Variants in RBPMS observed in about 807,000 individuals in gnomAD.
The protein encoded by RBPMS is RNA binding protein, mRNA processing factor.
Under a neutral mutation model 26.8 loss-of-function variants are expected in RBPMS, and 7 were observed. The ratio of observed to expected loss-of-function variants is 0.26; its 90% CI spans 0.15 to 0.49. RBPMS has a LOEUF of 0.49. Ranked by LOEUF, RBPMS falls within the 20% of genes least tolerant of loss-of-function variation. The pLI is 0.98. For synonymous variants in RBPMS, 96 were observed against 93.3 expected, an observed-to-expected ratio of 1.03 and a Z score of -0.17; for missense variants, 186 against 250.0, an observed-to-expected ratio of 0.74 and a Z score of 1.73.
Position 30,568,921 on chromosome 8 carries a change from T to C in RBPMS, c.*112-1716T>C, listed in dbSNP as rs73574141. ...AAGGATCCCATTTACATGGCAGTTATGGAAGGCCCAGAAAACCAGACTTGC... is the reference window on the plus strand; with the variant it reads ...AAGGATCCCATTTACATGGCAGTTACGGAAGGCCCAGAAAACCAGACTTGC... On this transcript the variant is annotated intron_variant, in intron 8 of 8. Coordinates refer to ENST00000397323, the MANE Select transcript of RBPMS (RefSeq NM_001008710.3). Among the ~76,000 whole-genome samples, 1,195 of 152,328 alleles carry C rather than the reference T, an allele frequency of 7.8e-3. 21 individuals carry two copies. Among genetic ancestry groups the C allele is most frequent in the African/African-American group, 0.027 (1,118 of 41,558 alleles).
At chr8:30,489,450 T>C (rs1305757596) in intron 4 of RBPMS, among the ~76,000 whole-genome samples, 1 of 151,810 alleles carries the variant, frequency 6.6e-6, no homozygotes, top group Non-Finnish European at 1.5e-5. Flanking sequence ...TCCTAAAGTC[T>C]CTTTTTCTTT....
intron 4 of RBPMS, among the ~76,000 whole-genome samples, chr8:30,489,152 T>C (rs1819106463): frequency 6.6e-6 from 1 of 151,192 alleles, no homozygotes; most frequent in South Asian, 2.1e-4. Context: ...CCTTGAGTGC[T>C]CCTCCCACCT....
chr8:30,565,338 C>T (rs772864124), intron 7 of RBPMS: 1 of 152,256 alleles, frequency 6.6e-6, no homozygotes, highest in Non-Finnish European at 1.5e-5. Flanking sequence ...TCGGAGGTGC[C>T]AGCTGAGCCA....
chr8:30,465,556 G>A (rs1246381129), intron 1 of RBPMS, among the ~76,000 whole-genome samples: 1 of 152,230 alleles, frequency 6.6e-6, no homozygotes, highest in Non-Finnish European at 1.5e-5. Context: ...AGAGGCTGAG[G>A]CAGGTGGATT....
At chr8:30,482,022 C>T (rs1328782050) in intron 4 of RBPMS, among the ~76,000 whole-genome samples, 2 of 152,192 alleles carry the variant, frequency 1.3e-5, no homozygotes, top group Non-Finnish European at 2.9e-5. Context: ...CTGCATTTTT[C>T]CTTGTGGCAG....
At chr8:30,550,631 G>A (rs758256524) in intron 6 of RBPMS, among the ~76,000 whole-genome samples, 10 of 152,160 alleles carry the variant, frequency 6.6e-5, no homozygotes, top group Non-Finnish European at 1.5e-4. Flanking sequence ...AATGAATGAC[G>A]GGAGTAAGAT....
chr8:30,418,519 T>C (rs1361409350), intron 1 of RBPMS, among the ~76,000 whole-genome samples: 1 of 152,198 alleles, frequency 6.6e-6, no homozygotes, highest in African/African-American at 2.4e-5. Flanking sequence ...AATTTGGTTA[T>C]CTTTTGTCTA....
intron 5 of RBPMS, among the ~76,000 whole-genome samples, chr8:30,532,260 C>T (rs1192446036): frequency 1.3e-5 from 2 of 152,156 alleles, no homozygotes; most frequent in African/African-American, 2.4e-5. Flanking sequence ...CACTCCCTGC[C>T]ACCTCCCTCT....
At chr8:30,544,726 C>T (rs1350851932) in intron 6 of RBPMS, 102 bp downstream of exon 6, 47 of 1,602,160 alleles carry the variant, frequency 2.9e-5, no homozygotes, top group Non-Finnish European at 4.0e-5. Flanking sequence ...ATCCAGCTAA[C>T]AGATCCACCC....
At chr8:30,415,185 C>G (rs1809919399) in intron 1 of RBPMS, among the ~76,000 whole-genome samples, 1 of 152,090 alleles carries the variant, frequency 6.6e-6, no homozygotes. Flanking sequence ...GGTGCCCAGC[C>G]CTTCCCCTCC....
rs1482375889 is a variant in RBPMS at position 30,547,440 on chromosome 8, T to C, written c.528+2816T>C. On this transcript the variant is annotated intron_variant, in intron 6 of 8. Coordinates refer to ENST00000397323, the MANE Select transcript of RBPMS (RefSeq NM_001008710.3). ...CCATGTTGAATTTGTTTGTTAGCTA[T>C]TTTCCCCCCTTTCACAAAAACTATT... 3.2e-6 allele frequency: 5 copies of C among 1,580,202 alleles called. No individual in the cohort carries two copies. In the East Asian group the frequency reaches 1.1e-4, roughly 36 times the overall value.
At chr8:30,425,543 G>A (rs527719943) in intron 1 of RBPMS, among the ~76,000 whole-genome samples, 34 of 152,098 alleles carry the variant, frequency 2.2e-4, no homozygotes, top group African/African-American at 8.0e-4. Context: ...TGGGATTAAG[G>A]CATGTGCCAC....
At chr8:30,437,558 A>G (rs1812607755) in intron 1 of RBPMS, among the ~76,000 whole-genome samples, 1 of 152,096 alleles carries the variant, frequency 6.6e-6, no homozygotes, top group African/African-American at 2.4e-5. Flanking sequence ...CGGGAGGCCG[A>G]GGCAGGTGGA....
intron 5 of RBPMS, among the ~76,000 whole-genome samples, chr8:30,509,586 C>T (rs960075697): frequency 2.0e-5 from 3 of 152,220 alleles, no homozygotes; most frequent in Non-Finnish European, 4.4e-5. Flanking sequence ...CTAAAGCTTC[C>T]TGTATCCCAT....
intron 6 of RBPMS, among the ~76,000 whole-genome samples, chr8:30,551,421 A>C (rs1379969295): frequency 2.6e-5 from 4 of 152,112 alleles, no homozygotes; most frequent in Admixed American, 2.6e-4. Flanking sequence ...CTTCCGTAGA[A>C]ATCACAGTAT....
chr8:30,447,703 A>G (rs1009835600), intron 1 of RBPMS, among the ~76,000 whole-genome samples: 10 of 152,248 alleles, frequency 6.6e-5, no homozygotes, highest in African/African-American at 2.4e-4. Context: ...CGTCTATTCA[A>G]CTTTCATTGA....
chr8:30,485,997 G>C (rs1367754270), intron 4 of RBPMS, among the ~76,000 whole-genome samples: 1 of 152,214 alleles, frequency 6.6e-6, no homozygotes, highest in Non-Finnish European at 1.5e-5. Context: ...AGAAGAGTAA[G>C]TTGGTTATTT....
intron 5 of RBPMS, among the ~76,000 whole-genome samples, chr8:30,532,667 C>A (rs1014111687): frequency 2.0e-5 from 3 of 152,056 alleles, no homozygotes; most frequent in African/African-American, 7.2e-5. Context: ...TCTGGAATTA[C>A]CCCATCTATA....
At position 30,570,992 on chromosome 8, in the gene RBPMS, C is replaced by CTGAAGTAAG. The variant is rs1828229558; in HGVS notation, c.*469_*477dup. 6.6e-6 allele frequency: 1 copy of CTGAAGTAAG among 152,106 alleles called. No homozygotes were observed. The highest frequency in any genetic ancestry group is 1.5e-5 in the Non-Finnish European group (1 of 68,018). The allele number at this position is 152,106 out of a possible 1,614,324, so 9.4% of individuals were successfully genotyped here. On this transcript the variant is annotated 3_prime_UTR_variant, in exon 9 of 9. Coordinates refer to ENST00000397323, the MANE Select transcript of RBPMS (RefSeq NM_001008710.3). ...AATTAAAAATATCTATTTTTTTCCT[C>CTGAAGTAAG]TGAAGTAAGTTGCATGTTTGAGGCA...
Sources: gnomAD v4.1 joint callset for allele counts (sites outside exome capture counted in the v4.1 genomes callset) on GRCh38, gnomAD v4.1.1 for gene constraint, MANE v1.5 for transcripts, NCBI Gene and HGNC (gene_info 2026-07-23, HGNC 2026-07-21) for gene names.